Variants in RIN1 observed in about 807,000 individuals in gnomAD.
RIN1 encodes the protein ras inhibitor 1.
Under a neutral mutation model 64.9 loss-of-function variants are expected in RIN1, and 52 were observed. The observed-to-expected ratio is 0.80, with a 90% CI of 0.64 to 1.01. The LOEUF (loss-of-function observed/expected upper bound fraction) is 1.01, where lower values mean the gene tolerates loss of function less well. Among genes scored for constraint, RIN1 ranks in the 50% least tolerant of loss-of-function variants. The pLI, the probability that RIN1 is intolerant of heterozygous loss-of-function variation, is 0.00. For missense variants in RIN1, 1,040 were observed against 1,064.5 expected (o/e 0.98, Z 0.32); for synonymous variants, 486 against 483.6 (o/e 1.00, Z -0.06).
Position 66,334,989 on chromosome 11 carries a change from C to A in RIN1, c.810G>T (p.Leu270=). ...CTGTCTGGCTGGGGACTGCCCCTGG[C>A]AGCACGGGGACGGGGGGAGGTGGCA... ...PAVPPPPVPV[L]PGAVPSQTER... Residue 270 remains leucine (L), a synonymous_variant, in exon 6 of 10, where the codon CTG becomes CTT. Coordinates refer to ENST00000311320, the MANE Select transcript of RIN1 (RefSeq NM_004292.3). The A allele has an allele frequency of 1.3e-6, 2 of 1,554,150 alleles. No individual in the cohort carries two copies. Among genetic ancestry groups the A allele is most frequent in the Non-Finnish European group, 1.7e-6 (2 of 1,151,408 alleles).
intron 8 of RIN1, 24 bp downstream of exon 8, chr11:66,333,503 G>A: frequency 6.2e-7 from 1 of 1,612,008 alleles, no homozygotes. Flanking sequence ...CACCCAGACA[G>A]GGAGGTGGGT....
chr11:66,336,439 T>C, upstream of RIN1: 3 of 1,581,452 alleles, frequency 1.9e-6, no homozygotes, highest in Non-Finnish European at 2.6e-6. Context: ...GAGAATCCAG[T>C]CCCAAGGCAA....
chr11:66,335,629 A>C lies in RIN1; in HGVS notation c.436T>G (p.Cys146Gly), dbSNP rs747948985. 1 of 1,613,818 alleles carries C rather than the reference A, an allele frequency of 6.2e-7. No individual in the cohort carries two copies. Among genetic ancestry groups the C allele is most frequent in the Non-Finnish European group, 8.5e-7 (1 of 1,179,904 alleles). ...ACTCACCGGGTGTGGCAGTAGGCAC[A>C]GATGAGCTGGACTAGGTCTGGGAAC... ...LMFPDLVQLICAYCHTRDILL... is the reference protein window; with the variant it reads ...LMFPDLVQLIGAYCHTRDILL... The change falls in exon 4 of 10, where the codon TGT (cysteine) becomes GGT (glycine). Residue 146 changes from cysteine to glycine, a missense_variant. Transcript: ENST00000311320.
chr11:66,336,580 CA>C (rs1304573322), upstream of RIN1: 1 of 615,340 alleles, frequency 1.6e-6, no homozygotes, highest in Non-Finnish European at 2.8e-6. Flanking sequence ...CTTTGGGGGT[CA>C]GGGGTCCCCT....
chr11:66,334,762 A>C lies in RIN1; in HGVS notation c.1037T>G (p.Leu346Arg). The C allele has an allele frequency of 6.5e-7, 1 of 1,549,396 alleles. No homozygotes were observed. Among genetic ancestry groups the C allele is most frequent in the Non-Finnish European group, 8.7e-7 (1 of 1,147,292 alleles). Residue 346 changes from leucine to arginine, a missense_variant, in exon 6 of 10, where the codon CTG becomes CGG. Coordinates refer to ENST00000311320, the MANE Select transcript of RIN1 (RefSeq NM_004292.3). ...GAAGGCGGCGCTCATGGACCGAAGCAGAGGTCGTCGGCGGCCCAGGTGGGG... is the reference window on the plus strand; with the variant it reads ...GAAGGCGGCGCTCATGGACCGAAGCCGAGGTCGTCGGCGGCCCAGGTGGGG... The part of the protein sequence containing the change: ...TSPHLGRRRP[L>R]LRSMSAAFCS...
chr11:66,332,393 G>A lies in RIN1; in HGVS notation c.2235C>T (p.Pro745=). The A allele has an allele frequency of 6.2e-7, 1 of 1,614,162 alleles. No individual in the cohort carries two copies. ...TCTCAGACTGTTCCCGAATGTCCCT[G>A]GGGCTGGCTTTGACCCCAGCATCCC... ...GDGDAGVKAS[P]RDIREQSETT... Residue 745 remains proline (P), a synonymous_variant, in exon 10 of 10, where the codon CCC becomes CCT. Transcript: ENST00000311320.
rs747634103 is a variant in RIN1 at position 66,333,561 on chromosome 11, C to A, written c.1689G>T (p.Ser563=). 9 of 1,613,270 alleles carry A rather than the reference C, an allele frequency of 5.6e-6. No homozygotes were observed. Among genetic ancestry groups the A allele is most frequent in the Non-Finnish European group, 7.6e-6 (9 of 1,179,992 alleles). Residue 563 remains serine (S), a synonymous_variant, in exon 8 of 10, where the codon TCG becomes TCT. Coordinates refer to ENST00000311320, the MANE Select transcript of RIN1 (RefSeq NM_004292.3). The part of the protein sequence containing the change: ...PELLLEAEYM[S]ELLEPSLLTG... ...TAAGCAGGCTGGGCTCCAGCAGCTC[C>A]GACATGTACTCGGCCTCCAGCAGCA...
intron 3 of RIN1, 27 bp downstream of exon 3, chr11:66,335,735 C>A: frequency 6.2e-7 from 1 of 1,611,942 alleles, no homozygotes; most frequent in East Asian, 2.2e-5. Context: ...CTGCTTCCAG[C>A]CCCTTCCCGC....
In RIN1 at chr11:66,334,712, G is replaced by A; in HGVS notation, c.1087C>T (p.Gln363Ter). 1 of 1,549,492 alleles carries A rather than the reference G, an allele frequency of 6.5e-7. No individual in the cohort carries two copies. The highest frequency in any genetic ancestry group is 8.7e-7 in the Non-Finnish European group (1 of 1,147,748). The change falls in exon 6 of 10, where the codon CAG becomes TAG. Residue 363 changes from glutamine (Q) to a stop codon, truncating the protein, a stop_gained. Transcript: ENST00000311320. LOFTEE classifies it high-confidence loss of function. ...AFCSLLAPER[Q>*]VGRAAAALMQ... ...AGTGCTGCCGCAGCCCGGCCCACCT[G>A]CCGCTCCGGTGCCAGTAGGGAGCAG...
chr11:66,333,146 C>G, intron 9 of RIN1, 112 bp downstream of exon 9: 3 of 1,340,920 alleles, frequency 2.2e-6, no homozygotes, highest in Non-Finnish European at 3.1e-6. Context: ...AGTGGCAGAG[C>G]CAGGATTAGA....
rs1565199413 is a variant in RIN1 at position 66,332,613 on chromosome 11, C to G, written c.2015G>C (p.Gly672Ala). The G allele has an allele frequency of 6.2e-7, 1 of 1,605,352 alleles. No homozygotes were observed. Among genetic ancestry groups the G allele is most frequent in the Admixed American group, 1.7e-5 (1 of 59,256 alleles). ...KFRVTQPNTF[G>A]LFLYKEQGYH... is the part of the protein sequence containing the mutation. ...GCCCTGCTCCTTGTACAGGAAGAGG[C>G]CAAAAGTGTTGGGCTGGGTCACTCG... is the stretch of plus-strand genomic sequence containing the variant. Residue 672 changes from glycine to alanine, a missense_variant, in exon 10 of 10, where the codon GGC becomes GCC. By Grantham distance (60) the Gly-to-Ala change is moderately conservative (BLOSUM62 0). Coordinates refer to ENST00000311320, the MANE Select transcript of RIN1 (RefSeq NM_004292.3).
chr11:66,334,884 A>G lies in RIN1; in HGVS notation c.915T>C (p.Leu305=), dbSNP rs1307406092. The G allele has an allele frequency of 6.4e-7, 1 of 1,572,264 alleles. No homozygotes were observed. The highest frequency in any genetic ancestry group is 8.6e-7 in the Non-Finnish European group (1 of 1,158,282). ...CCTCTTGGAGGGAGGGCATAGGCGGAAGGCTAGGGCCACTGCCTGCTGGCA... is the reference window on the plus strand; with the variant it reads ...CCTCTTGGAGGGAGGGCATAGGCGGGAGGCTAGGGCCACTGCCTGCTGGCA... ...YRVPAGSGPS[L]PPMPSLQEVD... is the part of the protein sequence containing the mutation. Residue 305 remains leucine, a synonymous_variant, in exon 6 of 10, where the codon CTT becomes CTC. Coordinates refer to ENST00000311320, the MANE Select transcript of RIN1 (RefSeq NM_004292.3).
In RIN1 at chr11:66,332,570, A is replaced by T. The variant is rs773370185; in HGVS notation, c.2058T>A (p.Pro686=). The change falls in exon 10 of 10, where the codon CCT becomes CCA. Residue 686 remains proline (P), a synonymous_variant. Coordinates refer to ENST00000311320, the MANE Select transcript of RIN1 (RefSeq NM_004292.3). ...YKEQGYHRLP[P]GALAHRLPTT... ...TGGGCAGCCTGTGGGCCAGGGCCCCAGGGGGCAGGCGGTGGTAGCCCTGCT... is the reference window on the plus strand; with the variant it reads ...TGGGCAGCCTGTGGGCCAGGGCCCCTGGGGGCAGGCGGTGGTAGCCCTGCT... The T allele has an allele frequency of 8.1e-6, 13 of 1,612,352 alleles. No individual in the cohort carries two copies. Among genetic ancestry groups the T allele is most frequent in the Non-Finnish European group, 1.1e-5 (13 of 1,178,932 alleles).
intron 8 of RIN1, 48 bp downstream of exon 8, chr11:66,333,479 G>A: frequency 6.2e-7 from 1 of 1,608,854 alleles, no homozygotes. Flanking sequence ...CCCCTTCCCT[G>A]CTTATTCAGG....
rs753697297 is a variant in RIN1, at chr11:66,335,806, C to A, written c.338G>T (p.Gly113Val). The change falls in exon 3 of 10, where the codon GGC becomes GTC. Residue 113 changes from glycine to valine, a missense_variant. Physicochemically the swap from Gly to Val is moderately radical, Grantham distance 109. Transcript: ENST00000311320. The stretch of plus-strand genomic sequence containing the variant: ...GTAGTGGCTGGAGACGAAGGAGGGG[C>A]CACTGGCTTCAGGCAACCGCATGCA... The part of the protein sequence containing the change: ...ALCMRLPEAS[G>V]PSFVSSHYIL... 11 of 1,609,840 alleles carry A rather than the reference C, an allele frequency of 6.8e-6. No homozygotes were observed. The Admixed American group carries it at 1.8e-4, about 27-fold the overall frequency.
Position 66,336,326 on chromosome 11 carries a change from G to A in RIN1, c.77C>T (p.Ala26Val), listed in dbSNP as rs776951930. The change falls in exon 1 of 10, where the codon GCG (alanine) becomes GTG (valine). Residue 26 changes from alanine to valine, a missense_variant. Transcript: ENST00000311320. The part of the protein sequence containing the change: ...SPSSFTTGHL[A>V]REKPAQDPLY... ...TGCCAACTTCACTAACTTTTCTCTC[G>A]CCAGGTGCCCAGTAGTGAAGCTGGA... is the stretch of plus-strand genomic sequence containing the variant. The A allele has an allele frequency of 8.7e-6, 14 of 1,613,042 alleles. No homozygotes were observed. In the East Asian group the frequency reaches 1.1e-4, roughly 13 times the overall value.
intron 9 of RIN1, 108 bp downstream of exon 9, chr11:66,333,150 G>A: frequency 7.2e-7 from 1 of 1,383,582 alleles, no homozygotes; most frequent in Non-Finnish European, 1.0e-6. Flanking sequence ...GCAGAGCCAG[G>A]ATTAGAACCC....
rs751589877 is a variant in RIN1, at chr11:66,332,660, G to A, written c.1968C>T (p.Asn656=). Residue 656 remains asparagine, a synonymous_variant, in exon 10 of 10, where the codon AAC becomes AAT. Transcript: ENST00000311320. ...CTCGGAACTTGGTGGCACAGAGCTG[G>A]TTCAGGGTGGCAATCGAGGCTTCTG... The part of the protein sequence containing the change: ...VPPEASIATL[N]QLCATKFRVT... 18 of 1,587,658 alleles carry A rather than the reference G, an allele frequency of 1.1e-5. No homozygotes were observed. In the Admixed American group the frequency reaches 3.2e-4, roughly 28 times the overall value.
Position 66,334,832 on chromosome 11 carries a change from C to T in RIN1, c.967G>A (p.Glu323Lys), listed in dbSNP as rs779648226. ...CGGGACCCTGGCACCCCCTCCTCCT[C>T]GGAGCTGCTGGGGGAGCCGCAGTCC... ...EVDCGSPSSSEEEGVPGSRGS... is the reference protein window; with the variant it reads ...EVDCGSPSSSKEEGVPGSRGS... Residue 323 changes from glutamate to lysine, a missense_variant, in exon 6 of 10, where the codon GAG becomes AAG. Transcript: ENST00000311320. The T allele has an allele frequency of 2.6e-6, 4 of 1,548,440 alleles. No homozygotes were observed. The highest frequency in any genetic ancestry group is 1.2e-5 in the South Asian group (1 of 84,738).
Sources: allele counts gnomAD v4.1 joint callset, GRCh38; gene constraint gnomAD v4.1.1; transcripts MANE v1.5; gene names NCBI Gene and HGNC (gene_info 2026-07-23, HGNC 2026-07-21).